Variants in SLC35D1 observed in about 807,000 individuals in gnomAD.
SLC35D1 encodes solute carrier family 35 member D1, also known as nucleotide sugar transporter SLC35D1.
SLC35D1 carries 31 observed loss-of-function variants against 46.7 expected under a neutral mutation model. The ratio of observed to expected loss-of-function variants is 0.66; its 90% CI spans 0.50 to 0.90. The LOEUF (loss-of-function observed/expected upper bound fraction) is 0.90, where lower values mean the gene tolerates loss of function less well. Ranked by LOEUF, SLC35D1 falls within the 40% of genes least tolerant of loss-of-function variation. The pLI, the probability that SLC35D1 is intolerant of heterozygous loss-of-function variation, is 0.00. For synonymous variants in SLC35D1, 195 were observed against 164.6 expected, an observed-to-expected ratio of 1.18 and a Z score of -1.41; for missense variants, 397 against 426.2, an observed-to-expected ratio of 0.93 and a Z score of 0.60.
In SLC35D1 at chr1:67,052,088, T is replaced by A. The variant is rs1645315153; in HGVS notation, c.325-9A>T. On this transcript the variant is annotated splice_polypyrimidine_tract_variant and intron_variant, in intron 3 of 11. Coordinates refer to ENST00000235345, the MANE Select transcript of SLC35D1 (RefSeq NM_015139.3). Reference sequence around the variant, plus strand: ...AGAGGTAGTGGAAACGTCTAGAAAATTTAAAAAGGGATAACAAAACTCAAT... The same window carrying A: ...AGAGGTAGTGGAAACGTCTAGAAAAATTAAAAAGGGATAACAAAACTCAAT... 2 of 1,573,452 alleles carry A rather than the reference T, an allele frequency of 1.3e-6. No homozygotes were observed. The highest frequency in any genetic ancestry group is 3.3e-4 in the Middle Eastern group (2 of 5,994).
At chr1:66,973,701 A>G in the SLC35D1 span, among the ~76,000 whole-genome samples, 5 of 152,132 alleles carry the variant, frequency 3.3e-5, no homozygotes, top group African/African-American at 1.2e-4. Context: ...TGTTGTTTCC[A>G]TGAGCAACAC....
intron 8 of SLC35D1, among the ~76,000 whole-genome samples, chr1:67,022,602 C>T (rs1667832121): frequency 6.6e-6 from 1 of 152,194 alleles, no homozygotes; most frequent in Non-Finnish European, 1.5e-5. Context: ...ACCATGTCTA[C>T]AGAATGAACT....
At chr1:66,983,087 C>G in the SLC35D1 span, among the ~76,000 whole-genome samples, 1 of 152,254 alleles carries the variant, frequency 6.6e-6, no homozygotes, top group East Asian at 1.9e-4. Flanking sequence ...GGAAAGTGTT[C>G]ATAAGTTACT....
In SLC35D1 at chr1:67,023,508, CAG is replaced by C. The variant is rs1558156246; in HGVS notation, c.730-1908_730-1907del. On this transcript the variant is annotated intron_variant, in intron 8 of 11. Transcript: ENST00000235345. ...GCCATTTTTTTTTTTTTTTTTGAGA[CAG>C]AGTCTCACCCTGTCGCGCAGGCTGG... is the stretch of plus-strand genomic sequence containing the variant. Among the ~76,000 whole-genome samples, 17 of 139,548 alleles carry C rather than the reference CAG, an allele frequency of 1.2e-4. No homozygotes were observed. In the South Asian group the frequency reaches 2.9e-3, roughly 24 times the overall value. 91.5% of individuals were successfully genotyped at this position (139,548 alleles called of 152,430 possible).
At chr1:67,048,735 TAGA>T (rs1399245455) in intron 6 of SLC35D1, among the ~76,000 whole-genome samples, 1 of 152,250 alleles carries the variant, frequency 6.6e-6, no homozygotes. Flanking sequence ...TAAAATGTTG[TAGA>T]AGACTTCTAG....
At chr1:66,974,718 A>G in the SLC35D1 span, among the ~76,000 whole-genome samples, 2 of 152,180 alleles carry the variant, frequency 1.3e-5, no homozygotes, top group Non-Finnish European at 2.9e-5. Context: ...GCTGACCTCT[A>G]CATAATACAC....
chr1:67,048,530 G>T (rs1645273926), intron 6 of SLC35D1, among the ~76,000 whole-genome samples: 1 of 152,118 alleles, frequency 6.6e-6, no homozygotes, highest in South Asian at 2.1e-4. Context: ...CTTTTTTTTA[G>T]AATGAAATTT....
the SLC35D1 span, chr1:66,984,778 G>A: frequency 5.0e-6 from 8 of 1,614,004 alleles, no homozygotes; most frequent in Non-Finnish European, 6.8e-6. Context: ...TGAAAAAAGT[G>A]AGAGACCTGC....
In SLC35D1 at chr1:67,000,384, G is replaced by A. The variant is rs1331554506; in HGVS notation, c.*3956C>T. ...ACTGTCACAATATAAAAGAAATTTTGTTCTTTTTAAAAAATAGGTAGAATC... is the reference window on the plus strand; with the variant it reads ...ACTGTCACAATATAAAAGAAATTTTATTCTTTTTAAAAAATAGGTAGAATC... On this transcript the variant is annotated 3_prime_UTR_variant, in exon 12 of 12. Transcript: ENST00000235345. 1 of 144,316 alleles carries A rather than the reference G, an allele frequency of 6.9e-6. No individual in the cohort carries two copies. Among genetic ancestry groups the A allele is most frequent in the East Asian group, 2.0e-4 (1 of 5,104 alleles). 8.9% of individuals were successfully genotyped at this position (144,316 alleles called of 1,614,324 possible).
At chr1:67,020,551 A>C (rs1667775820) in intron 9 of SLC35D1, 104 bp from the exon 10 acceptor site, 2 of 816,844 alleles carry the variant, frequency 2.4e-6, no homozygotes, top group African/African-American at 1.7e-5. Context: ...CTAGTCACTG[A>C]CCAGCTATGA....
the SLC35D1 span, among the ~76,000 whole-genome samples, chr1:66,974,884 A>C: frequency 6.6e-6 from 1 of 152,176 alleles, no homozygotes; most frequent in East Asian, 1.9e-4. Flanking sequence ...ATTTTTCATA[A>C]TCTTAACTTT....
At position 67,005,811 on chromosome 1, in the gene SLC35D1, T is replaced by C. The variant is rs17129587; in HGVS notation, c.960-1363A>G. Among the ~76,000 whole-genome samples the C allele has an allele frequency of 9.9e-3, 1,508 of 152,318 alleles. 21 individuals are homozygous for C. The highest frequency in any genetic ancestry group is 0.034 in the African/African-American group (1,418 of 41,576). ...GCCTCCCTTATGACCCTTGTGCCACTGAATACTAGTTATCCATCCTCACTC... is the reference window on the plus strand; with the variant it reads ...GCCTCCCTTATGACCCTTGTGCCACCGAATACTAGTTATCCATCCTCACTC... On this transcript the variant is annotated intron_variant, in intron 11 of 11. Transcript: ENST00000235345.
intron 8 of SLC35D1, among the ~76,000 whole-genome samples, chr1:67,039,799 T>C (rs182061310): frequency 1.3e-5 from 2 of 152,180 alleles, no homozygotes; most frequent in Non-Finnish European, 2.9e-5. Context: ...ATGACATGGC[T>C]TTTACTCCTC....
the SLC35D1 span, among the ~76,000 whole-genome samples, chr1:66,994,107 G>A: frequency 2.6e-5 from 4 of 152,216 alleles, no homozygotes; most frequent in Admixed American, 2.6e-4. Context: ...ATGTTCATTA[G>A]GTCATGGGAT....
In SLC35D1 at chr1:67,004,409, A is replaced by C. The variant is rs1450399968; in HGVS notation, c.999T>G (p.Thr333=). 6.2e-7 allele frequency: 1 copy of C among 1,614,074 alleles called. No individual in the cohort carries two copies. Among genetic ancestry groups the C allele is most frequent in the Admixed American group, 1.7e-5 (1 of 60,020 alleles). ...GSLVYSYITF[T]EEQLSKQSEA... is the part of the protein sequence containing the mutation. Reference sequence around the variant, plus strand: ...CTGACTGTTTGCTCAGCTGCTCTTCAGTGAAAGTGATATAGGAATATACCA... The same window carrying C: ...CTGACTGTTTGCTCAGCTGCTCTTCCGTGAAAGTGATATAGGAATATACCA... The change falls in exon 12 of 12, where the codon ACT becomes ACG. Residue 333 remains threonine, a synonymous_variant. Coordinates refer to ENST00000235345, the MANE Select transcript of SLC35D1 (RefSeq NM_015139.3).
At chr1:67,050,314 G>C (rs994406306) in intron 5 of SLC35D1, 119 bp downstream of exon 5, 7 of 730,638 alleles carry the variant, frequency 9.6e-6, no homozygotes, top group Admixed American at 2.4e-5. Context: ...CAAGAGAGAG[G>C]GTTGCTTAAA....
intron 1 of SLC35D1, among the ~76,000 whole-genome samples, chr1:67,053,432 G>C (rs969560049): frequency 6.6e-6 from 1 of 152,202 alleles, no homozygotes; most frequent in Non-Finnish European, 1.5e-5. Flanking sequence ...CCCTGTCCAG[G>C]CTGCGGAGGA....
chr1:67,008,314 T>C (rs1667491295), intron 11 of SLC35D1: 4 of 710,968 alleles, frequency 5.6e-6, no homozygotes, highest in Non-Finnish European at 8.2e-6. Flanking sequence ...AATTTTTGTA[T>C]TTTTAGTAGA....
chr1:67,004,733 T>C (rs1484739537), intron 11 of SLC35D1, among the ~76,000 whole-genome samples: 1 of 152,202 alleles, frequency 6.6e-6, no homozygotes, highest in Non-Finnish European at 1.5e-5. Flanking sequence ...TGAGTATGTA[T>C]ATCAATATGC....
Sources: gnomAD v4.1 joint callset for allele counts (sites outside exome capture counted in the v4.1 genomes callset) on GRCh38, gnomAD v4.1.1 for gene constraint, MANE v1.5 for transcripts, NCBI Gene and HGNC (gene_info 2026-07-23, HGNC 2026-07-21) for gene names.